Variants in TTC33 observed in about 807,000 individuals in gnomAD.
The protein encoded by TTC33 is tetratricopeptide repeat protein 33.
TTC33 carries 24 observed loss-of-function variants against 29.4 expected under a neutral mutation model. That is an observed-to-expected ratio of 0.82 (90% CI 0.59 to 1.15). The LOEUF (loss-of-function observed/expected upper bound fraction) is 1.15, where lower values mean the gene tolerates loss of function less well. Among genes scored for constraint, TTC33 ranks in the 50% most tolerant of loss-of-function variants. The pLI is 0.00. For missense variants in TTC33, 286 were observed against 310.4 expected (o/e 0.92, Z 0.59); for synonymous variants, 107 against 100.3 (o/e 1.07, Z -0.40).
At chr5:40,728,272 A>G in intron 4 of TTC33, 73 bp downstream of exon 4, 17 of 999,438 alleles carry the variant, frequency 1.7e-5, no homozygotes, top group Non-Finnish European at 2.4e-5. Flanking sequence ...TGACATCAAG[A>G]CTCCATCTCA....
intron 4 of TTC33, among the ~76,000 whole-genome samples, chr5:40,722,479 G>A (rs888700454): frequency 9.1e-4 from 138 of 151,126 alleles, no homozygotes; most frequent in Non-Finnish European, 1.7e-3. Context: ...CTGCCTGGCG[G>A]CCCATCGTCT....
In TTC33 at chr5:40,715,650, A is replaced by G. The variant is rs1579665206; in HGVS notation, c.*495T>C. 6.6e-6 allele frequency: 1 copy of G among 152,546 alleles called. No individual in the cohort carries two copies. Among genetic ancestry groups the G allele is most frequent in the Non-Finnish European group, 1.5e-5 (1 of 68,168 alleles). The allele number at this position is 152,546 out of a possible 1,614,324, so 9.4% of individuals were successfully genotyped here. On this transcript the variant is annotated 3_prime_UTR_variant, in exon 5 of 5. Transcript: ENST00000337702. Reference sequence around the variant, plus strand: ...AAGATTCCACATATAACCAAATGACAACTTTGAATCAAAATGAATGTCAAA... The same window carrying G: ...AAGATTCCACATATAACCAAATGACGACTTTGAATCAAAATGAATGTCAAA...
At chr5:40,721,380 A>T (rs1164920404) in intron 4 of TTC33, among the ~76,000 whole-genome samples, 1 of 152,218 alleles carries the variant, frequency 6.6e-6, no homozygotes, top group Non-Finnish European at 1.5e-5. Context: ...AGCAAACAAA[A>T]CAATACGATT....
In TTC33 at chr5:40,755,152, T is replaced by A. The variant is rs138335425; in HGVS notation, c.-2+672A>T. ...CTAAATTCCTGTACTGTTACAAAGA[T>A]CCCTATAGTAGGCGCTCAACAACTG... On this transcript the variant is annotated intron_variant, in intron 1 of 4. Coordinates refer to ENST00000337702, the MANE Select transcript of TTC33 (RefSeq NM_012382.3). 2.0e-5 allele frequency among the ~76,000 whole-genome samples: 3 copies of A among 152,276 alleles called. No individual in the cohort carries two copies. In the East Asian group the frequency reaches 5.8e-4, roughly 29 times the overall value.
chr5:40,722,058 A>C (rs1381150991), intron 4 of TTC33, among the ~76,000 whole-genome samples: 2 of 152,204 alleles, frequency 1.3e-5, no homozygotes, highest in East Asian at 3.9e-4. Flanking sequence ...AATGCAAATC[A>C]AAACCACCAT....
At chr5:40,722,134 G>A (rs1742147771) in intron 4 of TTC33, among the ~76,000 whole-genome samples, 1 of 151,564 alleles carries the variant, frequency 6.6e-6, no homozygotes, top group African/African-American at 2.4e-5. Context: ...AAACCCGGGA[G>A]GCGGAGGTTG....
chr5:40,748,316 C>A (rs1259462556), intron 1 of TTC33, among the ~76,000 whole-genome samples: 1 of 152,168 alleles, frequency 6.6e-6, no homozygotes, highest in Admixed American at 6.5e-5. Flanking sequence ...CCTGCCTCAG[C>A]CTCCCGAGCA....
chr5:40,739,922 T>C (rs1742657813), intron 2 of TTC33, among the ~76,000 whole-genome samples: 1 of 152,164 alleles, frequency 6.6e-6, no homozygotes, highest in Non-Finnish European at 1.5e-5. Flanking sequence ...TTGGGAATAA[T>C]ACTACAAATG....
chr5:40,737,633 T>C (rs994171056), intron 2 of TTC33, among the ~76,000 whole-genome samples: 4 of 152,210 alleles, frequency 2.6e-5, no homozygotes, highest in Non-Finnish European at 4.4e-5. Flanking sequence ...AAGCATACTT[T>C]CTGATGAGTT....
chr5:40,729,070 T>G (rs1273026482), intron 3 of TTC33, among the ~76,000 whole-genome samples: 1 of 152,216 alleles, frequency 6.6e-6, no homozygotes, highest in Non-Finnish European at 1.5e-5. Context: ...CTATAATCTT[T>G]AGGACCATTA....
At chr5:40,752,128 T>G (rs555690367) in intron 1 of TTC33, among the ~76,000 whole-genome samples, 5 of 152,280 alleles carry the variant, frequency 3.3e-5, no homozygotes, top group African/African-American at 1.2e-4. Flanking sequence ...GTTTCAAACT[T>G]TACTTTGGCA....
At chr5:40,724,382 C>T (rs1742229356) in intron 4 of TTC33, among the ~76,000 whole-genome samples, 1 of 152,094 alleles carries the variant, frequency 6.6e-6, no homozygotes, top group African/African-American at 2.4e-5. Context: ...CGCCTGTAAT[C>T]CCGGAACATT....
intron 2 of TTC33, among the ~76,000 whole-genome samples, chr5:40,746,124 T>TA (rs1216615376): frequency 1.3e-5 from 2 of 152,130 alleles, no homozygotes; most frequent in African/African-American, 4.8e-5. Context: ...CAGAATCTAC[T>TA]AAAAAATTTG....
intron 2 of TTC33, among the ~76,000 whole-genome samples, chr5:40,733,101 C>T (rs116454511): frequency 0.012 from 1,861 of 152,144 alleles, 26 homozygotes; most frequent in African/African-American, 0.034. Context: ...TACTTTGTTC[C>T]GTTCATTATT....
At chr5:40,744,487 G>T (rs1009162185) in intron 2 of TTC33, among the ~76,000 whole-genome samples, 19 of 136,404 alleles carry the variant, frequency 1.4e-4, no homozygotes, top group Admixed American at 2.2e-4. Context: ...ACTCTTACCA[G>T]TTTTTTTTTT....
chr5:40,742,506 C>T (rs1419407538), intron 2 of TTC33, among the ~76,000 whole-genome samples: 2 of 152,176 alleles, frequency 1.3e-5, no homozygotes, highest in African/African-American at 4.8e-5. Flanking sequence ...AGCTGGTCAA[C>T]AGCAGAACTA....
At position 40,714,676 on chromosome 5, in the gene TTC33, T is replaced by C. The variant is rs1221273344; in HGVS notation, c.*1469A>G. ...TCTCTAACCAGAGCTAATTTTCTGA[T>C]GATATAACTTAAGGAAAGAATATTC... On this transcript the variant is annotated 3_prime_UTR_variant, in exon 5 of 5. Coordinates refer to ENST00000337702, the MANE Select transcript of TTC33 (RefSeq NM_012382.3). 1.3e-5 allele frequency: 2 copies of C among 152,278 alleles called. No individual in the cohort carries two copies. The highest frequency in any genetic ancestry group is 2.4e-5 in the African/African-American group (1 of 41,456). 9.4% of individuals were successfully genotyped at this position (152,278 alleles called of 1,614,324 possible).
At chr5:40,738,645 G>C (rs909822308) in intron 2 of TTC33, among the ~76,000 whole-genome samples, 1 of 151,354 alleles carries the variant, frequency 6.6e-6, no homozygotes, top group African/African-American at 2.4e-5. Flanking sequence ...AAGAGGTAAA[G>C]CTATTTTACA....
In TTC33 at chr5:40,742,420, A is replaced by G. The variant is rs147458535; in HGVS notation, c.221+4378T>C. On this transcript the variant is annotated intron_variant, in intron 2 of 4. Transcript: ENST00000337702. ...CGTAAATTCATGTCACCATCACAACAGCATTGAGGTAGATATTTTCTGCAG... is the reference window on the plus strand; with the variant it reads ...CGTAAATTCATGTCACCATCACAACGGCATTGAGGTAGATATTTTCTGCAG... Among the ~76,000 whole-genome samples, 171 of 152,308 alleles carry G rather than the reference A, an allele frequency of 1.1e-3. 1 individual carries two copies. The highest frequency in any genetic ancestry group is 4.0e-3 in the African/African-American group (166 of 41,564).
Sources: allele counts gnomAD v4.1 joint callset (sites outside exome capture counted in the v4.1 genomes callset), GRCh38; gene constraint gnomAD v4.1.1; transcripts MANE v1.5; gene names NCBI Gene and HGNC (gene_info 2026-07-23, HGNC 2026-07-21).